The following EEF1D variants were observed in gnomAD, a reference collection of about 807,000 sequenced individuals.
EEF1D encodes the protein elongation factor 1-delta.
A neutral mutation model predicts 63.9 loss-of-function variants in EEF1D; 47 were observed. The observed-to-expected ratio is 0.74, with a 90% CI of 0.58 to 0.94. The LOEUF (loss-of-function observed/expected upper bound fraction) is 0.94, where lower values mean the gene tolerates loss of function less well. Among genes scored for constraint, EEF1D ranks in the 40% least tolerant of loss-of-function variants. The pLI is 0.00. For missense variants in EEF1D, 907 were observed against 899.0 expected, an observed-to-expected ratio of 1.01 and a Z score of -0.11; for synonymous variants, 412 against 386.1, an observed-to-expected ratio of 1.07 and a Z score of -0.79.
intron 2 of EEF1D, 112 bp from the exon 3 acceptor site, chr8:143,590,193 T>C (rs754304769): frequency 5.1e-6 from 6 of 1,168,116 alleles, no homozygotes; most frequent in East Asian, 5.9e-5. Context: ...CTGCCCTCCC[T>C]GGGCAGGGGC....
chr8:143,581,702 C>T (rs1193841706), intron 5 of EEF1D: 4 of 250,634 alleles, frequency 1.6e-5, no homozygotes, highest in Non-Finnish European at 3.1e-5. Flanking sequence ...GGGGACCAGG[C>T]AGCACTGGAA....
At position 143,589,930 on chromosome 8, in the gene EEF1D, C is replaced by T; in HGVS notation, c.152G>A (p.Gly51Glu). 6.2e-7 allele frequency: 1 copy of T among 1,600,012 alleles called. No homozygotes were observed. Among genetic ancestry groups the T allele is most frequent in the African/African-American group, 1.3e-5 (1 of 75,014 alleles). ...GTCCTCAGGGTCGTCCTGGCCGGGC[C>T]CATTCATGGCTGGCCCCTCGGCTGG... Reference protein sequence around the residue: ...QLPAEGPAMNGPGQDDPEDAD... With the variant: ...QLPAEGPAMNEPGQDDPEDAD... The change falls in exon 3 of 10, where the codon GGG becomes GAG. Residue 51 changes from glycine to glutamate, a missense_variant. Transcript: ENST00000618139.
In EEF1D at chr8:143,581,267, A is replaced by G; in HGVS notation, c.1349T>C (p.Ile450Thr). The change falls in exon 6 of 10, where the codon ATT becomes ACT. Residue 450 changes from isoleucine to threonine, a missense_variant. Coordinates refer to ENST00000618139, the MANE Select transcript of EEF1D (RefSeq NM_001130053.5). ...CTGGTTCTCCACTTCCAGACTGGCAATCCGGACGACGAGCTCACCGTGGTC... is the reference window on the plus strand; with the variant it reads ...CTGGTTCTCCACTTCCAGACTGGCAGTCCGGACGACGAGCTCACCGTGGTC... ...SGDHGELVVR[I>T]ASLEVENQSL... 2 of 1,612,616 alleles carry G rather than the reference A, an allele frequency of 1.2e-6. No homozygotes were observed. The highest frequency in any genetic ancestry group is 1.7e-6 in the Non-Finnish European group (2 of 1,179,980).
intron 8 of EEF1D, 92 bp from the exon 9 acceptor site, chr8:143,580,298 CCA>C: frequency 7.3e-7 from 1 of 1,373,552 alleles, no homozygotes; most frequent in Non-Finnish European, 9.9e-7. Context: ...CACTGTGTGT[CCA>C]CAATTCTGTT....
At chr8:143,580,292 G>GT in intron 8 of EEF1D, 86 bp from the exon 9 acceptor site, 1 of 1,395,742 alleles carries the variant, frequency 7.2e-7, no homozygotes. Context: ...CTCAACCACT[G>GT]TGTGTCCACA....
intron 3 of EEF1D, among the ~76,000 whole-genome samples, chr8:143,587,731 G>A (rs1171170908): frequency 1.3e-5 from 2 of 152,246 alleles, no homozygotes; most frequent in Non-Finnish European, 2.9e-5. Flanking sequence ...GCCCTAGACA[G>A]GGACCATGGC....
chr8:143,580,365 TTG>T, intron 8 of EEF1D, 139 bp downstream of exon 8: 3 of 1,260,144 alleles, frequency 2.4e-6, no homozygotes, highest in East Asian at 2.5e-5. Flanking sequence ...GCCTCCAAGT[TTG>T]TGTTTATCCC....
intron 4 of EEF1D, 60 bp from the exon 5 acceptor site, chr8:143,586,350 A>G: frequency 7.8e-6 from 11 of 1,419,314 alleles, no homozygotes; most frequent in African/African-American, 1.5e-5. Context: ...ATTTAATTAA[A>G]AAACAAACCA....
At position 143,589,055 on chromosome 8, in the gene EEF1D, C is replaced by T. The variant is rs556804552; in HGVS notation, c.1027G>A (p.Ala343Thr). Residue 343 changes from alanine to threonine, a missense_variant, in exon 3 of 10, where the codon GCT becomes ACT. Ala to Thr is a moderately conservative substitution (Grantham distance 58). Transcript: ENST00000618139. ...EALRVAWCLE[A>T]ASLSHRPGPR... ...CCGGGTCGGTGAGACAGGGAGGCAG[C>T]TTCGAGGCACCAGGCCACCCGCAGG... The T allele has an allele frequency of 3.1e-6, 5 of 1,606,922 alleles. No individual in the cohort carries two copies. The Admixed American group carries it at 5.0e-5, about 16-fold the overall frequency.
At chr8:143,590,777 GGCGCCTGTAGTCCCA>G (rs1275780589) in intron 2 of EEF1D, 2 of 161,134 alleles carry the variant, frequency 1.2e-5, no homozygotes, top group Non-Finnish European at 2.6e-5. Flanking sequence ...CGTGGTGGCA[GGCGCCTGTAGTCCCA>G]GCTCCTAGGG....
rs2131124021 is a variant in EEF1D at position 143,589,431 on chromosome 8, A to G, written c.651T>C (p.Asn217=). ...DLAHQPSPPV[N]GQPPLGSLQA... is the part of the protein sequence containing the mutation. ...GCAGGCTGCCCAGCGGGGGCTGGCCATTGACCGGTGGGCTGGGCTGGTGGG... is the reference window on the plus strand; with the variant it reads ...GCAGGCTGCCCAGCGGGGGCTGGCCGTTGACCGGTGGGCTGGGCTGGTGGG... Residue 217 remains asparagine, a synonymous_variant, in exon 3 of 10, where the codon AAT becomes AAC. Transcript: ENST00000618139. 1 of 1,529,402 alleles carries G rather than the reference A, an allele frequency of 6.5e-7. No individual in the cohort carries two copies. The highest frequency in any genetic ancestry group is 8.8e-7 in the Non-Finnish European group (1 of 1,132,928). 94.7% of individuals were successfully genotyped at this position (1,529,402 alleles called of 1,614,324 possible).
At chr8:143,580,959 C>G (rs1382138272) in intron 7 of EEF1D, 95 bp downstream of exon 7, 26 of 1,388,748 alleles carry the variant, frequency 1.9e-5, no homozygotes, top group Middle Eastern at 2.6e-4. Context: ...TGGCTGCCAG[C>G]TCATCACTGC....
In EEF1D at chr8:143,589,258, C is replaced by T. The variant is rs746462587; in HGVS notation, c.824G>A (p.Arg275His). The T allele has an allele frequency of 2.1e-5, 33 of 1,585,294 alleles. No homozygotes were observed. In the East Asian group the frequency reaches 4.4e-4, roughly 21 times the overall value. Residue 275 changes from arginine (R) to histidine (H), a missense_variant, in exon 3 of 10, where the codon CGC becomes CAC. Coordinates refer to ENST00000618139, the MANE Select transcript of EEF1D (RefSeq NM_001130053.5). ...AGLAEGARRG[R>H]RDRRGRNILG... ...GATGTTGCGGCCCCGCCGGTCTCTG[C>T]GGCCCCGCCGGGCACCCTCGGCCAG...
intron 1 of EEF1D, 125 bp downstream of exon 1, chr8:143,597,223 T>A (rs1828997698): frequency 6.6e-6 from 1 of 152,090 alleles, no homozygotes; most frequent in African/African-American, 2.4e-5. Flanking sequence ...AAGCCCGCGC[T>A]GGCGCACTTG....
chr8:143,594,984 C>A (rs1828565146), intron 1 of EEF1D, among the ~76,000 whole-genome samples: 1 of 152,198 alleles, frequency 6.6e-6, no homozygotes, highest in South Asian at 2.1e-4. Context: ...TGGCTCACTG[C>A]AACCTCCAAC....
At position 143,589,275 on chromosome 8, in the gene EEF1D, C is replaced by A; in HGVS notation, c.807G>T (p.Glu269Asp). The A allele has an allele frequency of 6.3e-7, 1 of 1,588,352 alleles. No individual in the cohort carries two copies. Among genetic ancestry groups the A allele is most frequent in the Non-Finnish European group, 8.6e-7 (1 of 1,166,664 alleles). The change falls in exon 3 of 10, where the codon GAG (glutamate) becomes GAT (aspartate). Residue 269 changes from glutamate (E) to aspartate (D), a missense_variant. Glu to Asp is a conservative substitution (Grantham distance 45). Coordinates refer to ENST00000618139, the MANE Select transcript of EEF1D (RefSeq NM_001130053.5). Reference protein sequence around the residue: ...VRLQERAGLAEGARRGRRDRR... With the variant: ...VRLQERAGLADGARRGRRDRR... ...GGTCTCTGCGGCCCCGCCGGGCACC[C>A]TCGGCCAGGCCGGCTCGCTCTTGCA...
At chr8:143,590,714 C>A in intron 2 of EEF1D, 1 of 291,464 alleles carries the variant, frequency 3.4e-6, no homozygotes, top group Non-Finnish European at 5.1e-6. Context: ...ACCATCCTGG[C>A]TAACACGTTG....
intron 1 of EEF1D, chr8:143,596,896 A>C (rs1587265830): frequency 6.6e-6 from 1 of 152,404 alleles, no homozygotes; most frequent in East Asian, 1.9e-4. Flanking sequence ...TAAGTTCCAA[A>C]AGTGTTGCGT....
intron 3 of EEF1D, 122 bp downstream of exon 3, chr8:143,588,869 C>G (rs771693763): frequency 1.5e-6 from 2 of 1,328,844 alleles, no homozygotes; most frequent in Non-Finnish European, 2.0e-6. Context: ...GCTGGGCCCA[C>G]GGGTCTCGGG....
Sources: gnomAD v4.1 joint callset for allele counts (sites outside exome capture counted in the v4.1 genomes callset) on GRCh38, gnomAD v4.1.1 for gene constraint, MANE v1.5 for transcripts, NCBI Gene and HGNC (gene_info 2026-07-23, HGNC 2026-07-21) for gene names.